ANO1: variants seen among roughly 807,000 people sequenced by gnomAD.
ANO1 encodes anoctamin-1.
In ANO1, 59 loss-of-function variants were observed where a neutral mutation model predicts 124.0. The observed-to-expected ratio is 0.48, with a 90% CI of 0.39 to 0.59. ANO1 has a LOEUF of 0.59. ANO1 is among the 20% of genes least tolerant of loss of function. ANO1 has a pLI of 0.00. For synonymous variants in ANO1, 529 were observed against 532.0 expected (o/e 0.99, Z 0.08); for missense variants, 1,059 against 1,328.0 (o/e 0.80, Z 3.15).
intron 19 of ANO1, among the ~76,000 whole-genome samples, chr11:70,164,981 C>A (rs1456909643): frequency 6.6e-6 from 1 of 152,170 alleles, no homozygotes; most frequent in African/African-American, 2.4e-5. Context: ...TGCCGCAACT[C>A]GATCCCACAG....
intron 1 of ANO1, among the ~76,000 whole-genome samples, chr11:69,993,064 G>A (rs17160523): frequency 0.085 from 12,868 of 152,124 alleles, 709 homozygotes; most frequent in East Asian, 0.14. Flanking sequence ...GCCATGATTC[G>A]TCTGGGCTCT....
chr11:69,977,244 A>G, the ANO1 span, among the ~76,000 whole-genome samples: 860 of 152,292 alleles, frequency 5.6e-3, 41 homozygotes, highest in East Asian at 0.12. Context: ...TTCTGTGTGC[A>G]CGGTCAGTCA....
intron 1 of ANO1, among the ~76,000 whole-genome samples, chr11:69,997,711 G>A (rs956893071): frequency 1.3e-5 from 2 of 152,214 alleles, no homozygotes; most frequent in East Asian, 3.9e-4. Flanking sequence ...TTTGGCAACC[G>A]TTCCCCTTAG....
intron 4 of ANO1, 116 bp from the exon 5 acceptor site, chr11:70,105,618 C>A: frequency 2.1e-6 from 2 of 964,056 alleles, no homozygotes; most frequent in Non-Finnish European, 3.3e-6. Context: ...GGACAGAGTT[C>A]TGTCCATTTC....
chr11:70,079,942 G>T (rs1590672560), intron 1 of ANO1, among the ~76,000 whole-genome samples: 1 of 152,228 alleles, frequency 6.6e-6, no homozygotes, highest in Non-Finnish European at 1.5e-5. Context: ...GGAGCACTGG[G>T]AACAGGTGTA....
intron 25 of ANO1, among the ~76,000 whole-genome samples, chr11:70,186,388 AAGGAAG>A (rs1465962406): frequency 6.6e-6 from 1 of 150,814 alleles, no homozygotes; most frequent in African/African-American, 2.4e-5. Flanking sequence ...GGAAGGAAGG[AAGGAAG>A]GAAGAAAGAC....
At chr11:70,002,164 T>A (rs1369455442) in intron 1 of ANO1, among the ~76,000 whole-genome samples, 1 of 151,966 alleles carries the variant, frequency 6.6e-6, no homozygotes. Context: ...ATAAAAATAC[T>A]TACCAGCTGA....
At chr11:70,168,760 G>A (rs973046435) in intron 21 of ANO1, among the ~76,000 whole-genome samples, 1 of 152,152 alleles carries the variant, frequency 6.6e-6, no homozygotes, top group Non-Finnish European at 1.5e-5. Context: ...AGGGCCTGGG[G>A]GTAAGGGCAC....
chr11:69,996,320 A>G (rs1554998348), intron 1 of ANO1, among the ~76,000 whole-genome samples: 1 of 152,132 alleles, frequency 6.6e-6, no homozygotes, highest in African/African-American at 2.4e-5. Flanking sequence ...TCAATTAAAC[A>G]ATAGGTGAGT....
At chr11:69,992,076 C>T (rs1994775) in intron 1 of ANO1, among the ~76,000 whole-genome samples, 27,662 of 152,044 alleles carry the variant, frequency 0.18, 2,803 homozygotes, top group Admixed American at 0.22. Context: ...TCGTTCATTT[C>T]TCTAGCCCTA....
chr11:70,122,488 C>T (rs1289979639), intron 8 of ANO1, among the ~76,000 whole-genome samples: 2 of 149,840 alleles, frequency 1.3e-5, no homozygotes, highest in Non-Finnish European at 3.0e-5. Flanking sequence ...CTGCCTCTGT[C>T]TCTGTCTCTC....
At chr11:70,177,895 G>A (rs1590934273) in intron 22 of ANO1, among the ~76,000 whole-genome samples, 1 of 152,136 alleles carries the variant, frequency 6.6e-6, no homozygotes, top group Admixed American at 6.5e-5. Context: ...CAATGCGCCC[G>A]GTCTTGATTT....
At chr11:70,077,190 G>A (rs111937174), upstream of ANO1, among the ~76,000 whole-genome samples, 215 of 152,316 alleles carry the variant, frequency 1.4e-3, 1 homozygote, top group African/African-American at 4.9e-3. Flanking sequence ...AGCAATTATT[G>A]AGCATCGGCT....
At chr11:70,093,990 C>T (rs1250829098) in intron 2 of ANO1, among the ~76,000 whole-genome samples, 1 of 152,208 alleles carries the variant, frequency 6.6e-6, no homozygotes, top group Non-Finnish European at 1.5e-5. Context: ...TCTCAACGTC[C>T]CCATCTGTAA....
At chr11:70,025,607 AATGATGGTGGTG>A (rs1856881994) in intron 1 of ANO1, among the ~76,000 whole-genome samples, 1 of 124,794 alleles carries the variant, frequency 8.0e-6, no homozygotes, top group Non-Finnish European at 1.7e-5. Flanking sequence ...TGATGATGAT[AATGATGGTGGTG>A]ATGATGGTGT....
chr11:70,114,636 C>T (rs915893880), intron 7 of ANO1, among the ~76,000 whole-genome samples: 3 of 152,298 alleles, frequency 2.0e-5, no homozygotes, highest in Non-Finnish European at 2.9e-5. Context: ...CGGTGGCTCA[C>T]GCCTGCAATC....
At chr11:70,084,427 A>C in intron 1 of ANO1, among the ~76,000 whole-genome samples, 1 of 152,192 alleles carries the variant, frequency 6.6e-6, no homozygotes, top group East Asian at 1.9e-4. Context: ...CCCCAGAATT[A>C]GATGGAGCGT....
chr11:70,153,035 C>T, intron 13 of ANO1, 22 bp from the exon 14 acceptor site: 1 of 1,591,338 alleles, frequency 6.3e-7, no homozygotes, highest in South Asian at 1.1e-5. Flanking sequence ...AGGACTCTGT[C>T]TTGACTTGGT....
intron 2 of ANO1, among the ~76,000 whole-genome samples, chr11:70,091,869 T>A (rs1340704452): frequency 1.3e-5 from 2 of 152,198 alleles, no homozygotes; most frequent in African/African-American, 2.4e-5. Flanking sequence ...TGAGACATCT[T>A]GTGACAACCT....
Sources: allele counts gnomAD v4.1 joint callset (sites outside exome capture counted in the v4.1 genomes callset), GRCh38; gene constraint gnomAD v4.1.1; transcripts MANE v1.5; gene names NCBI Gene and HGNC (gene_info 2026-07-23, HGNC 2026-07-21).